Variants in DPP6 observed in about 807,000 individuals in gnomAD.
DPP6 encodes dipeptidyl peptidase like 6.
DPP6 carries 69 observed loss-of-function variants against 122.6 expected under a neutral mutation model. That is an observed-to-expected ratio of 0.56 (90% CI 0.46 to 0.69). The LOEUF is 0.69. Among genes scored for constraint, DPP6 ranks in the 30% least tolerant of loss-of-function variants. The pLI, the probability that DPP6 is intolerant of heterozygous loss-of-function variation, is 0.00. For synonymous variants in DPP6, 418 were observed against 433.1 expected (o/e 0.97, Z 0.43); for missense variants, 928 against 1,116.9 (o/e 0.83, Z 2.41).
intron 7 of DPP6, among the ~76,000 whole-genome samples, chr7:154,681,258 C>T (rs1325355259): frequency 2.0e-5 from 3 of 152,140 alleles, no homozygotes; most frequent in East Asian, 1.9e-4. Flanking sequence ...AATTCAATTG[C>T]GACTGAAACA....
chr7:154,363,986 A>T (rs1811947830), intron 1 of DPP6, among the ~76,000 whole-genome samples: 2 of 152,214 alleles, frequency 1.3e-5, no homozygotes, highest in Admixed American at 6.5e-5. Context: ...TAGTGAGCAG[A>T]AAGTCAGGGC....
At chr7:154,594,453 G>C (rs1832972722) in intron 5 of DPP6, among the ~76,000 whole-genome samples, 1 of 152,090 alleles carries the variant, frequency 6.6e-6, no homozygotes, top group African/African-American at 2.4e-5. Context: ...ATGAATCAAT[G>C]ATGAATAAAA....
intron 3 of DPP6, among the ~76,000 whole-genome samples, chr7:154,520,750 A>G (rs1453472689): frequency 8.5e-5 from 13 of 152,212 alleles, no homozygotes; most frequent in Non-Finnish European, 1.9e-4. Context: ...AATCTATTGC[A>G]TCTCCACCAG....
chr7:154,176,098 G>A (rs181104524), intron 1 of DPP6, among the ~76,000 whole-genome samples: 209 of 152,200 alleles, frequency 1.4e-3, no homozygotes, highest in Non-Finnish European at 2.5e-3. Flanking sequence ...GAGGAAATTA[G>A]TTGGCCTTTC....
chr7:154,884,545 A>T (rs1805926126), intron 21 of DPP6: 1 of 151,882 alleles, frequency 6.6e-6, no homozygotes, highest in Non-Finnish European at 1.5e-5. Flanking sequence ...GTTCACGCAC[A>T]CATGCTCACA....
At chr7:154,855,394 C>A (rs929520603) in intron 17 of DPP6, among the ~76,000 whole-genome samples, 2 of 152,162 alleles carry the variant, frequency 1.3e-5, no homozygotes, top group African/African-American at 4.8e-5. Context: ...GTTGGAGGGA[C>A]CCCGTGCTGA....
intron 3 of DPP6, among the ~76,000 whole-genome samples, chr7:154,537,148 C>T (rs1828325098): frequency 6.6e-6 from 1 of 151,992 alleles, no homozygotes; most frequent in African/African-American, 2.4e-5. Flanking sequence ...ACTTTCAACA[C>T]ATAAAACTAA....
the DPP6 span, among the ~76,000 whole-genome samples, chr7:153,879,135 T>G: frequency 1.3e-5 from 2 of 152,138 alleles, no homozygotes; most frequent in African/African-American, 4.8e-5. Flanking sequence ...TGATGAGATT[T>G]GTACTTCAGA....
intron 5 of DPP6, among the ~76,000 whole-genome samples, chr7:154,628,976 A>G (rs1284709357): frequency 6.6e-6 from 1 of 152,172 alleles, no homozygotes; most frequent in African/African-American, 2.4e-5. Context: ...GCTGTAATTC[A>G]GACTTAACTG....
At chr7:154,517,267 A>G (rs1421202604) in intron 3 of DPP6, among the ~76,000 whole-genome samples, 1 of 152,216 alleles carries the variant, frequency 6.6e-6, no homozygotes, top group Non-Finnish European at 1.5e-5. Flanking sequence ...GAACAAAATC[A>G]GATCCCAGTT....
At chr7:154,524,037 G>T (rs1487656564) in intron 3 of DPP6, among the ~76,000 whole-genome samples, 2 of 152,180 alleles carry the variant, frequency 1.3e-5, no homozygotes, top group African/African-American at 4.8e-5. Flanking sequence ...CTTACGAGTT[G>T]ACAGTCTTCT....
At chr7:154,276,556 G>T (rs964821170) in intron 1 of DPP6, among the ~76,000 whole-genome samples, 3 of 152,228 alleles carry the variant, frequency 2.0e-5, no homozygotes, top group Non-Finnish European at 4.4e-5. Context: ...GGGAAATTAA[G>T]AGTGTTATTC....
chr7:154,879,868 G>A (rs904512356), intron 20 of DPP6, among the ~76,000 whole-genome samples: 1 of 152,132 alleles, frequency 6.6e-6, no homozygotes, highest in Non-Finnish European at 1.5e-5. Flanking sequence ...CTACACCACT[G>A]CCTTAAGAGG....
At chr7:154,804,770 G>A in intron 14 of DPP6, 147 bp from the exon 15 acceptor site, 1 of 1,120,400 alleles carries the variant, frequency 8.9e-7, no homozygotes, top group African/African-American at 1.5e-5. Context: ...CTGGTCACAG[G>A]TGTAGCTGGA....
intron 2 of DPP6, among the ~76,000 whole-genome samples, chr7:154,455,780 G>T (rs1820771347): frequency 6.6e-6 from 1 of 152,122 alleles, no homozygotes; most frequent in Non-Finnish European, 1.5e-5. Flanking sequence ...TAAGGCAAAT[G>T]GGTCTACATA....
chr7:154,210,537 C>G (rs1488255959), intron 1 of DPP6, among the ~76,000 whole-genome samples: 2 of 152,176 alleles, frequency 1.3e-5, no homozygotes, highest in African/African-American at 4.8e-5. Flanking sequence ...TTGTGAGTGT[C>G]TGGTGCATTC....
chr7:154,085,873 G>A (rs552095583), intron 1 of DPP6, among the ~76,000 whole-genome samples: 2 of 152,204 alleles, frequency 1.3e-5, no homozygotes, highest in African/African-American at 2.4e-5. Context: ...GATAACAGGC[G>A]CTCACCATCA....
chr7:153,889,492 A>G (rs1456950579), intron 1 of DPP6, among the ~76,000 whole-genome samples: 1 of 152,200 alleles, frequency 6.6e-6, no homozygotes, highest in Non-Finnish European at 1.5e-5. Context: ...TTATTGACTC[A>G]TTACATCAAT....
intron 6 of DPP6, among the ~76,000 whole-genome samples, chr7:154,661,112 A>G (rs1465489331): frequency 0.018 from 1 of 56 alleles, no homozygotes; most frequent in Non-Finnish European, 0.029. Flanking sequence ...TGGCGCTAGT[A>G]TTCATATAGT....
Sources: allele counts gnomAD v4.1 joint callset (sites outside exome capture counted in the v4.1 genomes callset), GRCh38; gene constraint gnomAD v4.1.1; transcripts MANE v1.5; gene names NCBI Gene and HGNC (gene_info 2026-07-23, HGNC 2026-07-21).